The following PNO1 variants were observed in gnomAD, a reference collection of about 807,000 sequenced individuals.
PNO1 encodes partner of NOB1 homolog, also known as RNA-binding protein PNO1.
A neutral mutation model predicts 28.4 loss-of-function variants in PNO1; 16 were observed. The observed-to-expected ratio is 0.56, with a 90% CI of 0.38 to 0.85. The LOEUF (loss-of-function observed/expected upper bound fraction) is 0.85, where lower values mean the gene tolerates loss of function less well. Ranked by LOEUF, PNO1 falls within the 40% of genes least tolerant of loss-of-function variation. The probability of loss-of-function intolerance (pLI) is 0.00; values close to 1 mark genes in which losing one functional copy is unlikely to be tolerated. For synonymous variants in PNO1, 115 were observed against 110.8 expected, an observed-to-expected ratio of 1.04 and a Z score of -0.24; for missense variants, 304 against 312.2, an observed-to-expected ratio of 0.97 and a Z score of 0.20.
chr2:68,162,261 A>G lies in PNO1; in HGVS notation c.442-4A>G, dbSNP rs1271859554. 7 of 1,606,774 alleles carry G rather than the reference A, an allele frequency of 4.4e-6. No individual in the cohort carries two copies. In the Admixed American group the frequency reaches 8.4e-5, roughly 19 times the overall value. On this transcript the variant is annotated splice_polypyrimidine_tract_variant and splice_region_variant and intron_variant, in intron 3 of 6. Transcript: ENST00000263657. Reference sequence around the variant, plus strand: ...GCTTCACGGTGTTTGTTTTTATATTATAGGATGCACTTGCCCTCATCAGGT... The same window carrying G: ...GCTTCACGGTGTTTGTTTTTATATTGTAGGATGCACTTGCCCTCATCAGGT...
intron 5 of PNO1, among the ~76,000 whole-genome samples, chr2:68,164,738 A>G (rs1673930958): frequency 6.6e-6 from 1 of 152,190 alleles, no homozygotes; most frequent in African/African-American, 2.4e-5. Context: ...TCAAGACCAC[A>G]GTGAACCATG....
rs562036958 is a variant in PNO1, at chr2:68,166,382, G to C, written c.620+3719G>C. Among the ~76,000 whole-genome samples the C allele has an allele frequency of 7.2e-4, 70 of 97,280 alleles. No homozygotes were observed. In the Middle Eastern group the frequency reaches 0.015, roughly 21 times the overall value. The allele number at this position is 97,280 out of a possible 152,430, so 63.8% of individuals were successfully genotyped here. A position where few individuals can be genotyped will look rare whatever the true frequency, so the allele number is the denominator to read the frequency against. Reference sequence around the variant, plus strand: ...ATTATATACTGTACTCTTTCATAAAGTAAGCTAGAGAAAAAATGTTATTAA... The same window carrying C: ...ATTATATACTGTACTCTTTCATAAACTAAGCTAGAGAAAAAATGTTATTAA... On this transcript the variant is annotated intron_variant, in intron 5 of 6. Coordinates refer to ENST00000263657, the MANE Select transcript of PNO1 (RefSeq NM_020143.4).
Position 68,175,059 on chromosome 2 carries a change from C to G in PNO1, c.*257C>G. 1 of 353,968 alleles carries G rather than the reference C, an allele frequency of 2.8e-6. No individual in the cohort carries two copies. Among genetic ancestry groups the G allele is most frequent in the Non-Finnish European group, 5.2e-6 (1 of 194,084 alleles). 21.9% of individuals were successfully genotyped at this position (353,968 alleles called of 1,614,324 possible). On this transcript the variant is annotated 3_prime_UTR_variant, in exon 7 of 7. Coordinates refer to ENST00000263657, the MANE Select transcript of PNO1 (RefSeq NM_020143.4). ...ATAATTTATCATTTATCTGAAATCA[C>G]ATGTAGCAGATTGCATAGTCTGTAA...
chr2:68,161,351 G>T (rs1053208439), intron 2 of PNO1: 1 of 476,652 alleles, frequency 2.1e-6, no homozygotes, highest in Non-Finnish European at 4.3e-6. Flanking sequence ...GCATTGAAGG[G>T]ATGGACAGAA....
intron 6 of PNO1, among the ~76,000 whole-genome samples, 157 bp from the exon 7 acceptor site, chr2:68,174,578 G>A (rs972730705): frequency 6.6e-6 from 1 of 152,118 alleles, no homozygotes; most frequent in Non-Finnish European, 1.5e-5. Context: ...GATGTGGGTA[G>A]TTAATGTGCA....
At chr2:68,167,882 GA>G (rs1384940114) in intron 5 of PNO1, among the ~76,000 whole-genome samples, 31 of 152,278 alleles carry the variant, frequency 2.0e-4, no homozygotes, top group African/African-American at 6.7e-4. Context: ...GTCATATAAT[GA>G]CTTAATTTTT....
chr2:68,159,892 C>T (rs898405030), intron 2 of PNO1, among the ~76,000 whole-genome samples: 1 of 151,918 alleles, frequency 6.6e-6, no homozygotes, highest in African/African-American at 2.4e-5. Flanking sequence ...CATCCATCTG[C>T]CAGTGCCAGA....
intron 5 of PNO1, among the ~76,000 whole-genome samples, chr2:68,167,513 A>C (rs1453041789): frequency 1.3e-5 from 2 of 152,236 alleles, no homozygotes; most frequent in African/African-American, 4.8e-5. Context: ...AGATAACGGC[A>C]GTCCTGATCA....
At chr2:68,165,816 C>T (rs962523574) in intron 5 of PNO1, among the ~76,000 whole-genome samples, 3 of 152,024 alleles carry the variant, frequency 2.0e-5, no homozygotes, top group Non-Finnish European at 2.9e-5. Context: ...GTTAAACCAA[C>T]GTTTTAGAAG....
At chr2:68,171,098 T>C (rs1002569900) in intron 5 of PNO1, among the ~76,000 whole-genome samples, 2 of 152,226 alleles carry the variant, frequency 1.3e-5, no homozygotes, top group African/African-American at 2.4e-5. Context: ...AGTGTACTTA[T>C]AGCTGAGCCA....
chr2:68,174,920 C>A lies in PNO1; in HGVS notation c.*118C>A. ...TCATTTGAAGCCTCCGTCCCTTCTTCCATTCTCAGCCAGAAGCATAAACAG... is the reference window on the plus strand; with the variant it reads ...TCATTTGAAGCCTCCGTCCCTTCTTACATTCTCAGCCAGAAGCATAAACAG... On this transcript the variant is annotated 3_prime_UTR_variant, in exon 7 of 7. Coordinates refer to ENST00000263657, the MANE Select transcript of PNO1 (RefSeq NM_020143.4). 1 of 562,836 alleles carries A rather than the reference C, an allele frequency of 1.8e-6. No homozygotes were observed. Among genetic ancestry groups the A allele is most frequent in the Non-Finnish European group, 3.2e-6 (1 of 310,684 alleles). The allele number at this position is 562,836 out of a possible 1,614,324, so 34.9% of individuals were successfully genotyped here.
intron 5 of PNO1, among the ~76,000 whole-genome samples, chr2:68,166,788 G>C (rs1674006322): frequency 6.6e-6 from 1 of 152,176 alleles, no homozygotes; most frequent in Non-Finnish European, 1.5e-5. Flanking sequence ...CTTGTTTTCT[G>C]ACACTGCTGC....
intron 2 of PNO1, 69 bp from the exon 3 acceptor site, chr2:68,161,614 A>C: frequency 1.1e-6 from 1 of 939,998 alleles, no homozygotes; most frequent in East Asian, 2.4e-5. Flanking sequence ...GGACATTTCC[A>C]GTATTTTGTT....
chr2:68,169,249 T>C (rs1674067573), intron 5 of PNO1, among the ~76,000 whole-genome samples: 1 of 152,118 alleles, frequency 6.6e-6, no homozygotes, highest in African/African-American at 2.4e-5. Flanking sequence ...TTTCTTGTAC[T>C]GTCATGACTT....
chr2:68,167,453 G>A (rs1470261401), intron 5 of PNO1, among the ~76,000 whole-genome samples: 1 of 152,192 alleles, frequency 6.6e-6, no homozygotes, highest in Non-Finnish European at 1.5e-5. Context: ...CAGAAGACAG[G>A]CCACTGGTGT....
chr2:68,173,096 T>TC (rs2103693586), intron 5 of PNO1: 2 of 256,402 alleles, frequency 7.8e-6, no homozygotes, highest in African/African-American at 4.6e-5. Flanking sequence ...TTTTTTTTTT[T>TC]TTTTTTTTTT....
chr2:68,158,047 C>G lies in PNO1; in HGVS notation c.113C>G (p.Ala38Gly). Residue 38 changes from alanine (A) to glycine (G), a missense_variant, in exon 1 of 7, where the codon GCA (alanine) becomes GGA (glycine). Ala to Gly is a moderately conservative substitution (Grantham distance 60). Transcript: ENST00000263657. ...CGACAGGCTGAACAGCTGTCCGCAG[C>G]AGGAGAGGGCGGGGATGCGGGCCGC... ...KKRQAEQLSA[A>G]GEGGDAGRMD... is the part of the protein sequence containing the mutation. The G allele has an allele frequency of 1.2e-6, 2 of 1,614,072 alleles. No individual in the cohort carries two copies. Among genetic ancestry groups the G allele is most frequent in the Non-Finnish European group, 1.7e-6 (2 of 1,180,030 alleles).
At chr2:68,173,616 T>C (rs1477938550) in intron 6 of PNO1, among the ~76,000 whole-genome samples, 199 bp downstream of exon 6, 1 of 139,982 alleles carries the variant, frequency 7.1e-6, no homozygotes, top group Non-Finnish European at 1.5e-5. Context: ...AGAGTCTCGC[T>C]GTGTCGCCTA....
chr2:68,170,480 G>A (rs919311738), intron 5 of PNO1, among the ~76,000 whole-genome samples: 47 of 152,272 alleles, frequency 3.1e-4, no homozygotes, highest in Non-Finnish European at 3.2e-4. Context: ...GGGCGTGATG[G>A]CTCACACCTG....
Sources: gnomAD v4.1 joint callset for allele counts (sites outside exome capture counted in the v4.1 genomes callset) on GRCh38, gnomAD v4.1.1 for gene constraint, MANE v1.5 for transcripts, NCBI Gene and HGNC (gene_info 2026-07-23, HGNC 2026-07-21) for gene names.